CWF19L2: variants seen among roughly 807,000 people sequenced by gnomAD.
The protein encoded by CWF19L2 is CWF19-like protein 2.
A neutral mutation model predicts 111.7 loss-of-function variants in CWF19L2; 98 were observed. The ratio of observed to expected loss-of-function variants is 0.88; its 90% CI spans 0.75 to 1.04. The LOEUF (loss-of-function observed/expected upper bound fraction) is 1.04, where lower values mean the gene tolerates loss of function less well. Among genes scored for constraint, CWF19L2 ranks in the 50% least tolerant of loss-of-function variants. The probability of loss-of-function intolerance (pLI) is 0.00; values close to 1 mark genes in which losing one functional copy is unlikely to be tolerated. For synonymous variants in CWF19L2, 351 were observed against 342.9 expected, an observed-to-expected ratio of 1.02 and a Z score of -0.26; for missense variants, 1,101 against 1,051.4, an observed-to-expected ratio of 1.05 and a Z score of -0.65.
At chr11:107,340,474 A>G (rs1449378566) in intron 14 of CWF19L2, among the ~76,000 whole-genome samples, 2 of 152,150 alleles carry the variant, frequency 1.3e-5, no homozygotes, top group African/African-American at 4.8e-5. Context: ...AGTTGAGAAT[A>G]TTTGGTTGTG....
In CWF19L2 at chr11:107,439,034, C is replaced by CG. The variant is rs1861580714; in HGVS notation, c.664+55dup. ...TGGCTGACAGAGCGAGACTCTGTCT[C>CG]GAAAAAAAAAAAAAAAAAAAAACCC... On this transcript the variant is annotated intron_variant, in intron 6 of 17. Coordinates refer to ENST00000282251, the MANE Select transcript of CWF19L2 (RefSeq NM_152434.3). 32 of 303,592 alleles carry CG rather than the reference C, an allele frequency of 1.1e-4. No individual in the cohort carries two copies. The African/African-American group carries it at 2.3e-3, about 21-fold the overall frequency. 18.8% of individuals were successfully genotyped at this position (303,592 alleles called of 1,614,324 possible). A position where few individuals can be genotyped will look rare whatever the true frequency, so the allele number is the denominator to read the frequency against.
chr11:107,381,368 T>C (rs552939255), intron 12 of CWF19L2, among the ~76,000 whole-genome samples: 2 of 152,304 alleles, frequency 1.3e-5, no homozygotes, highest in South Asian at 2.1e-4. Flanking sequence ...AAACAAAAAT[T>C]ATTTTGTTCA....
In CWF19L2 at chr11:107,429,099, G is replaced by A; in HGVS notation, c.1133C>T (p.Ser378Leu). The A allele has an allele frequency of 9.9e-6, 16 of 1,613,776 alleles. No homozygotes were observed. The highest frequency in any genetic ancestry group is 1.4e-5 in the Non-Finnish European group (16 of 1,179,808). The stretch of plus-strand genomic sequence containing the variant: ...AAATTTTCTGCCCTTGCTGTGAAAT[G>A]ACAGTTCTTCATCATCAGAGGGTCT... ...FLRPSDDEEL[S>L]FHSKGRKFEP... Residue 378 changes from serine to leucine, a missense_variant, in exon 8 of 18, where the codon TCA becomes TTA. Coordinates refer to ENST00000282251, the MANE Select transcript of CWF19L2 (RefSeq NM_152434.3).
At chr11:107,400,217 T>A (rs1860980775) in intron 10 of CWF19L2, among the ~76,000 whole-genome samples, 1 of 145,290 alleles carries the variant, frequency 6.9e-6, no homozygotes, top group Non-Finnish European at 1.5e-5. Flanking sequence ...ATAACCAAGA[T>A]CAGAGCAGAA....
intron 16 of CWF19L2, among the ~76,000 whole-genome samples, chr11:107,333,892 C>T (rs982077116): frequency 6.6e-6 from 1 of 152,138 alleles, no homozygotes; most frequent in Non-Finnish European, 1.5e-5. Context: ...AAAAGGACCA[C>T]ATAATAAAAT....
At chr11:107,364,643 A>C (rs1860410424) in intron 12 of CWF19L2, among the ~76,000 whole-genome samples, 1 of 126,326 alleles carries the variant, frequency 7.9e-6, no homozygotes. Context: ...AAGACACAAC[A>C]TACCAGAATC....
chr11:107,443,614 G>C (rs1861662700), intron 3 of CWF19L2, among the ~76,000 whole-genome samples: 2 of 151,604 alleles, frequency 1.3e-5, no homozygotes, highest in Non-Finnish European at 2.9e-5. Flanking sequence ...ACAAAAATGG[G>C]AACTGCCAAG....
intron 8 of CWF19L2, among the ~76,000 whole-genome samples, chr11:107,422,745 A>T (rs1861319520): frequency 6.6e-6 from 1 of 152,012 alleles, no homozygotes; most frequent in Admixed American, 6.6e-5. Flanking sequence ...ATTTTCTACA[A>T]ATTTGGTTTT....
intron 16 of CWF19L2, among the ~76,000 whole-genome samples, chr11:107,334,548 A>T (rs1213703427): frequency 6.6e-6 from 1 of 152,242 alleles, no homozygotes; most frequent in Non-Finnish European, 1.5e-5. Context: ...ATATTTCAGG[A>T]AGGCCCTTCT....
At chr11:107,362,312 G>T (rs1232598815) in intron 12 of CWF19L2, among the ~76,000 whole-genome samples, 1 of 151,892 alleles carries the variant, frequency 6.6e-6, no homozygotes, top group Admixed American at 6.6e-5. Context: ...CGAACTGGGT[G>T]GAGCCCACCA....
chr11:107,426,793 T>G (rs374666618), intron 8 of CWF19L2, among the ~76,000 whole-genome samples: 1 of 151,630 alleles, frequency 6.6e-6, no homozygotes, highest in Non-Finnish European at 1.5e-5. Context: ...TAAAATTTTA[T>G]ACATTAAGTT....
rs141170726 is a variant in CWF19L2 at position 107,439,101 on chromosome 11, G to A, written c.653C>T (p.Ser218Leu). ...AAATGTAGAAATACCTTTAGTAATC[G>A]ATGACACACTACAGTCTTCAGGTGG... Reference protein sequence around the residue: ...GLPPEDCSVSSITKVSVVEDG... With the variant: ...GLPPEDCSVSLITKVSVVEDG... Residue 218 changes from serine to leucine, a missense_variant, in exon 6 of 18, where the codon TCG (serine) becomes TTG (leucine). Transcript: ENST00000282251. 7.3e-6 allele frequency: 10 copies of A among 1,364,316 alleles called. No homozygotes were observed. The highest frequency in any genetic ancestry group is 1.5e-5 in the African/African-American group (1 of 67,416). The allele number at this position is 1,364,316 out of a possible 1,614,324, so 84.5% of individuals were successfully genotyped here.
At chr11:107,340,123 G>A (rs1162682351) in intron 14 of CWF19L2, among the ~76,000 whole-genome samples, 1 of 151,926 alleles carries the variant, frequency 6.6e-6, no homozygotes, top group Non-Finnish European at 1.5e-5. Context: ...AGAGTATTTT[G>A]CAGAACAAAA....
chr11:107,417,911 C>T (rs1182386007), intron 9 of CWF19L2, among the ~76,000 whole-genome samples: 1 of 152,130 alleles, frequency 6.6e-6, no homozygotes, highest in African/African-American at 2.4e-5. Flanking sequence ...AGGCATGCGC[C>T]ACCACACCCA....
chr11:107,379,612 C>T (rs1455910062), intron 12 of CWF19L2, among the ~76,000 whole-genome samples: 2 of 152,180 alleles, frequency 1.3e-5, no homozygotes, highest in African/African-American at 4.8e-5. Flanking sequence ...AGCCTGGTTA[C>T]AGAAGTTGTT....
At chr11:107,436,023 A>G (rs894434052) in intron 6 of CWF19L2, among the ~76,000 whole-genome samples, 2 of 151,988 alleles carry the variant, frequency 1.3e-5, no homozygotes, top group Admixed American at 6.5e-5. Flanking sequence ...GTGTGGTGGC[A>G]TGCACCTGTA....
chr11:107,396,766 C>A (rs1565267430), intron 10 of CWF19L2, among the ~76,000 whole-genome samples: 1 of 152,148 alleles, frequency 6.6e-6, no homozygotes, highest in Non-Finnish European at 1.5e-5. Context: ...AACCAGCAAT[C>A]CCGAGAGGAC....
At chr11:107,373,496 C>G (rs1252094669) in intron 12 of CWF19L2, among the ~76,000 whole-genome samples, 1 of 132,684 alleles carries the variant, frequency 7.5e-6, no homozygotes, top group Non-Finnish European at 1.6e-5. Flanking sequence ...GGGAGGCACC[C>G]CCCAGGAGGG....
intron 12 of CWF19L2, among the ~76,000 whole-genome samples, chr11:107,369,323 G>A (rs12283676): frequency 0.022 from 3,072 of 136,958 alleles, 784 homozygotes; most frequent in African/African-American, 0.085. Context: ...TTAGAATTAT[G>A]TATAATATAA....
Sources: allele counts gnomAD v4.1 joint callset (sites outside exome capture counted in the v4.1 genomes callset), GRCh38; gene constraint gnomAD v4.1.1; transcripts MANE v1.5; gene names NCBI Gene and HGNC (gene_info 2026-07-23, HGNC 2026-07-21).